The following CEP85L variants were observed in gnomAD, a reference collection of about 807,000 sequenced individuals.
CEP85L encodes the protein centrosomal protein 85L.
A neutral mutation model predicts 100.3 loss-of-function variants in CEP85L; 60 were observed. The observed-to-expected ratio is 0.60, with a 90% CI of 0.49 to 0.74. The LOEUF (loss-of-function observed/expected upper bound fraction) is 0.74, where lower values mean the gene tolerates loss of function less well. CEP85L is among the 30% of genes least tolerant of loss of function. The probability of loss-of-function intolerance (pLI) is 0.00; values close to 1 mark genes in which losing one functional copy is unlikely to be tolerated. For synonymous variants in CEP85L, 319 were observed against 322.7 expected (o/e 0.99, Z 0.12); for missense variants, 973 against 936.2 (o/e 1.04, Z -0.51).
intron 1 of CEP85L, among the ~76,000 whole-genome samples, chr6:118,663,757 A>C (rs1026981324): frequency 6.6e-6 from 1 of 152,200 alleles, no homozygotes; most frequent in African/African-American, 2.4e-5. Context: ...CAAGTCTCTT[A>C]TATAGAAGGG....
At chr6:118,514,578 A>ACC (rs1776160376) in intron 4 of CEP85L, among the ~76,000 whole-genome samples, 1 of 151,804 alleles carries the variant, frequency 6.6e-6, no homozygotes, top group Admixed American at 6.6e-5. Context: ...TTTAAACTTG[A>ACC]CCATATCAAT....
chr6:118,619,151 T>TA (rs1308015777), intron 2 of CEP85L, among the ~76,000 whole-genome samples: 4 of 152,060 alleles, frequency 2.6e-5, no homozygotes, highest in African/African-American at 9.7e-5. Flanking sequence ...TACCTGTGTT[T>TA]AAAATTCCAG....
At chr6:118,668,016 C>G (rs1776184087) in intron 1 of CEP85L, among the ~76,000 whole-genome samples, 1 of 152,206 alleles carries the variant, frequency 6.6e-6, no homozygotes, top group Admixed American at 6.5e-5. Flanking sequence ...CAGCCCTCTC[C>G]TCAATTTTGC....
At chr6:118,529,179 A>G (rs1438078892) in intron 3 of CEP85L, among the ~76,000 whole-genome samples, 1 of 152,260 alleles carries the variant, frequency 6.6e-6, no homozygotes, top group Non-Finnish European at 1.5e-5. Context: ...CAGAGAAGTT[A>G]TTCAAAAACT....
intron 4 of CEP85L, among the ~76,000 whole-genome samples, chr6:118,520,809 A>C (rs951523745): frequency 6.6e-6 from 1 of 152,166 alleles, no homozygotes; most frequent in African/African-American, 2.4e-5. Flanking sequence ...AGTTAAGGAG[A>C]TCGAAATGCA....
At position 118,600,300 on chromosome 6, in the gene CEP85L, G is replaced by GTGTGTGTGTGTGTGTGTGTGTGTGTGT. The variant is rs1554228039; in HGVS notation, c.232+32152_232+32153insACACACACACACACACACACACACACA. On this transcript the variant is annotated intron_variant, in intron 2 of 12. Coordinates refer to ENST00000368491, the MANE Select transcript of CEP85L (RefSeq NM_001042475.3). The stretch of plus-strand genomic sequence containing the variant: ...CTGCCTGTCCCTGAGCCTTCCTGGG[G>GTGTGTGTGTGTGTGTGTGTGTGTGTGT]GTGTGTGTGTGTGTGTGTGTGTGTG... Among the ~76,000 whole-genome samples, 13 of 52,246 alleles carry GTGTGTGTGTGTGTGTGTGTGTGTGTGT rather than the reference G, an allele frequency of 2.5e-4. 3 individuals carry two copies. The highest frequency in any genetic ancestry group is 6.8e-4 in the African/African-American group (10 of 14,646). 34.3% of individuals were successfully genotyped at this position (52,246 alleles called of 152,430 possible).
At chr6:118,502,544 G>C (rs1775373829) in intron 5 of CEP85L, 1 of 482,192 alleles carries the variant, frequency 2.1e-6, no homozygotes, top group African/African-American at 2.0e-5. Flanking sequence ...CTCAAGATAG[G>C]CTCATGGCAC....
At chr6:118,524,508 TG>T (rs1404311935) in intron 3 of CEP85L, among the ~76,000 whole-genome samples, 3 of 152,090 alleles carry the variant, frequency 2.0e-5, no homozygotes, top group Non-Finnish European at 4.4e-5. Flanking sequence ...GAAGTGGAAG[TG>T]GAAGTTTTCT....
intron 2 of CEP85L, among the ~76,000 whole-genome samples, chr6:118,583,401 T>C (rs899070006): frequency 2.0e-5 from 3 of 152,174 alleles, no homozygotes; most frequent in Admixed American, 6.5e-5. Flanking sequence ...ACCCAATATT[T>C]TTCTCAACCC....
rs531245789 is a variant in CEP85L at position 118,578,325 on chromosome 6, G to A, written c.233-12009C>T. On this transcript the variant is annotated intron_variant, in intron 2 of 12. Transcript: ENST00000368491. ...CTCCCCTCCTCTCTTAGCAAACTGCGTGTTCACCATATTTAGAAAGGTTTA... is the reference window on the plus strand; with the variant it reads ...CTCCCCTCCTCTCTTAGCAAACTGCATGTTCACCATATTTAGAAAGGTTTA... Among the ~76,000 whole-genome samples the A allele has an allele frequency of 1.2e-4, 19 of 152,296 alleles. No individual in the cohort carries two copies. The South Asian group carries it at 1.5e-3, about 12-fold the overall frequency.
At chr6:118,563,964 AAAAGCGCTAT>A (rs1230132135) in intron 3 of CEP85L, among the ~76,000 whole-genome samples, 3 of 152,194 alleles carry the variant, frequency 2.0e-5, no homozygotes, top group Non-Finnish European at 2.9e-5. Context: ...TCCAAAACTT[AAAAGCGCTAT>A]AAAGAGACCA....
At chr6:118,610,311 C>T (rs1257443549) in intron 2 of CEP85L, among the ~76,000 whole-genome samples, 1 of 152,238 alleles carries the variant, frequency 6.6e-6, no homozygotes, top group Admixed American at 6.5e-5. Context: ...GGTACCTAGA[C>T]TTCTAAACTT....
At chr6:118,549,775 G>A (rs972013258) in intron 3 of CEP85L, among the ~76,000 whole-genome samples, 4 of 151,680 alleles carry the variant, frequency 2.6e-5, no homozygotes, top group South Asian at 2.1e-4. Context: ...GGGTGTTCAC[G>A]AGTTATTTTA....
At chr6:118,614,865 C>CAGACAGATAGATAGAT (rs781072805) in intron 2 of CEP85L, among the ~76,000 whole-genome samples, 1 of 149,860 alleles carries the variant, frequency 6.7e-6, no homozygotes, top group East Asian at 2.0e-4. Flanking sequence ...GACAGACAGA[C>CAGACAGATAGATAGAT]AGATAGATAG....
chr6:118,474,108 G>T (rs997131742), intron 10 of CEP85L, among the ~76,000 whole-genome samples: 1 of 152,142 alleles, frequency 6.6e-6, no homozygotes, highest in Admixed American at 6.5e-5. Flanking sequence ...ACCACTCAAT[G>T]AAATTGGTGA....
chr6:118,647,166 C>A (rs1476021255), intron 1 of CEP85L: 8 of 530,120 alleles, frequency 1.5e-5, no homozygotes, highest in African/African-American at 2.1e-5. Flanking sequence ...TGTAACCATA[C>A]CAGTTATTAC....
intron 3 of CEP85L, among the ~76,000 whole-genome samples, chr6:118,541,418 A>AT (rs1396893910): frequency 6.6e-6 from 1 of 152,250 alleles, no homozygotes; most frequent in Non-Finnish European, 1.5e-5. Context: ...CAATGCTTAC[A>AT]TATCAGGAAG....
At chr6:118,662,052 T>C (rs908567668) in intron 1 of CEP85L, among the ~76,000 whole-genome samples, 3 of 152,248 alleles carry the variant, frequency 2.0e-5, no homozygotes, top group Admixed American at 2.0e-4. Context: ...GAGGAATAAA[T>C]AGGATCATGT....
chr6:118,689,849 C>T (rs966703882), intron 1 of CEP85L, among the ~76,000 whole-genome samples: 1 of 151,874 alleles, frequency 6.6e-6, no homozygotes. Flanking sequence ...TATCTTCCCC[C>T]CTTCAGTGGA....
Sources: gnomAD v4.1 joint callset for allele counts (sites outside exome capture counted in the v4.1 genomes callset) on GRCh38, gnomAD v4.1.1 for gene constraint, MANE v1.5 for transcripts, NCBI Gene and HGNC (gene_info 2026-07-23, HGNC 2026-07-21) for gene names.